The following CCSER1 variants were observed in gnomAD, a reference collection of about 807,000 sequenced individuals.
CCSER1 encodes coiled-coil serine rich protein 1, also known as serine-rich coiled-coil domain-containing protein 1.
CCSER1 carries 41 observed loss-of-function variants against 82.0 expected under a neutral mutation model. The ratio of observed to expected loss-of-function variants is 0.50; its 90% CI spans 0.39 to 0.65. The LOEUF (loss-of-function observed/expected upper bound fraction) is 0.65. CCSER1 is among the 30% of genes least tolerant of loss of function. The pLI, the probability that CCSER1 is intolerant of heterozygous loss-of-function variation, is 0.00. For missense variants in CCSER1, 1,119 were observed against 1,064.2 expected (o/e 1.05, Z -0.72); for synonymous variants, 414 against 383.9 (o/e 1.08, Z -0.92).
At chr4:90,707,005 C>G (rs747765926) in intron 6 of CCSER1, among the ~76,000 whole-genome samples, 1 of 152,158 alleles carries the variant, frequency 6.6e-6, no homozygotes, top group Admixed American at 6.5e-5. Flanking sequence ...AATTTCCTAA[C>G]CACTGTCTTT....
intron 5 of CCSER1, among the ~76,000 whole-genome samples, chr4:90,492,419 T>G (rs541517663): frequency 6.6e-6 from 1 of 152,216 alleles, no homozygotes; most frequent in African/African-American, 2.4e-5. Context: ...TTCTTCTTTA[T>G]TAGTCTGGCT....
intron 9 of CCSER1, among the ~76,000 whole-genome samples, chr4:90,956,420 G>A (rs1454955028): frequency 6.6e-6 from 1 of 152,134 alleles, no homozygotes; most frequent in African/African-American, 2.4e-5. Context: ...GAAATACTAT[G>A]TGGGTGGCAT....
intron 10 of CCSER1, among the ~76,000 whole-genome samples, chr4:91,568,652 T>A (rs1454758452): frequency 6.6e-6 from 1 of 152,196 alleles, no homozygotes; most frequent in Admixed American, 6.6e-5. Context: ...ATACTTGGGA[T>A]TGCATTGTGA....
intron 5 of CCSER1, among the ~76,000 whole-genome samples, chr4:90,546,493 A>G (rs17017142): frequency 0.16 from 24,298 of 152,012 alleles, 2,528 homozygotes; most frequent in East Asian, 0.44. Flanking sequence ...TTAATTGTTT[A>G]TTTTCCTAGA....
At chr4:90,926,927 A>T (rs918372077) in intron 9 of CCSER1, among the ~76,000 whole-genome samples, 1 of 152,032 alleles carries the variant, frequency 6.6e-6, no homozygotes, top group Non-Finnish European at 1.5e-5. Flanking sequence ...ATTGAGGGGT[A>T]GGGAAGTTTT....
chr4:91,208,976 T>A lies in CCSER1; in HGVS notation c.2217+122982T>A, dbSNP rs368035649. Among the ~76,000 whole-genome samples the A allele has an allele frequency of 2.2e-4, 33 of 152,038 alleles. No homozygotes were observed. In the East Asian group the frequency reaches 5.4e-3, roughly 25 times the overall value. ...AGGTATTTTATTCTTTTTGTGGCAA[T>A]TGTAATGGAGTTGCATTTCTCATTT... On this transcript the variant is annotated intron_variant, in intron 10 of 10. Transcript: ENST00000509176.
intron 10 of CCSER1, among the ~76,000 whole-genome samples, chr4:91,098,542 TA>T (rs201258386): frequency 1.5e-4 from 22 of 150,220 alleles, no homozygotes; most frequent in Non-Finnish European, 1.6e-4. Flanking sequence ...TCACTGGAGA[TA>T]ATTTTTTTTT....
intron 1 of CCSER1, among the ~76,000 whole-genome samples, chr4:90,241,325 A>G (rs1290864276): frequency 6.6e-6 from 1 of 152,198 alleles, no homozygotes; most frequent in Non-Finnish European, 1.5e-5. Context: ...ACTATTATAT[A>G]TTATGTATAC....
intron 6 of CCSER1, among the ~76,000 whole-genome samples, chr4:90,660,304 T>A (rs1453479126): frequency 6.6e-6 from 1 of 151,972 alleles, no homozygotes; most frequent in East Asian, 1.9e-4. Flanking sequence ...GATGGACAAA[T>A]GTGTAAAGAA....
chr4:91,086,630 A>T (rs1248190439), intron 10 of CCSER1, among the ~76,000 whole-genome samples: 1 of 152,132 alleles, frequency 6.6e-6, no homozygotes, highest in Non-Finnish European at 1.5e-5. Flanking sequence ...TGCACAAAAA[A>T]AATCATTTTT....
intron 9 of CCSER1, among the ~76,000 whole-genome samples, chr4:91,021,167 C>G (rs911274541): frequency 6.6e-6 from 1 of 152,076 alleles, no homozygotes; most frequent in Non-Finnish European, 1.5e-5. Flanking sequence ...TGTTTATTTA[C>G]ATAAATCTGT....
intron 8 of CCSER1, among the ~76,000 whole-genome samples, chr4:90,834,238 T>G (rs1404200196): frequency 6.6e-6 from 1 of 152,218 alleles, no homozygotes; most frequent in Non-Finnish European, 1.5e-5. Flanking sequence ...AAGGTGATTT[T>G]TAATAATCAG....
At chr4:91,272,127 A>G (rs539271981) in intron 10 of CCSER1, among the ~76,000 whole-genome samples, 267 of 152,294 alleles carry the variant, frequency 1.8e-3, no homozygotes, top group Middle Eastern at 0.01. Context: ...TAGATAGCCA[A>G]TACTGGGATC....
chr4:90,355,847 C>T (rs534123412), intron 3 of CCSER1, among the ~76,000 whole-genome samples: 1 of 152,014 alleles, frequency 6.6e-6, no homozygotes, highest in Admixed American at 6.5e-5. Flanking sequence ...TTTCCAAGGA[C>T]TTTATGGCTG....
chr4:91,172,502 A>T (rs1732865504), intron 10 of CCSER1, among the ~76,000 whole-genome samples: 1 of 152,212 alleles, frequency 6.6e-6, no homozygotes, highest in Admixed American at 6.5e-5. Context: ...AGACTATGAA[A>T]GAAGGCTCTG....
At chr4:91,025,051 A>C (rs1740367904) in intron 9 of CCSER1, among the ~76,000 whole-genome samples, 1 of 152,148 alleles carries the variant, frequency 6.6e-6, no homozygotes, top group African/African-American at 2.4e-5. Context: ...AGAGTGAATA[A>C]TTTTGTTTAA....
At chr4:91,560,177 T>C (rs537262367) in intron 10 of CCSER1, among the ~76,000 whole-genome samples, 2 of 151,598 alleles carry the variant, frequency 1.3e-5, no homozygotes, top group East Asian at 3.9e-4. Context: ...GCAAAATCAA[T>C]TACATAATGT....
intron 10 of CCSER1, among the ~76,000 whole-genome samples, chr4:91,134,274 G>A (rs1275042552): frequency 1.3e-5 from 2 of 152,016 alleles, no homozygotes; most frequent in Non-Finnish European, 2.9e-5. Flanking sequence ...GCCCATGCCT[G>A]TAGTCCTAGC....
At chr4:90,916,186 A>T (rs962759371) in intron 8 of CCSER1, among the ~76,000 whole-genome samples, 1 of 152,120 alleles carries the variant, frequency 6.6e-6, no homozygotes, top group Non-Finnish European at 1.5e-5. Flanking sequence ...TATGGAACCA[A>T]AAAAGAGCCC....
Sources: gnomAD v4.1 joint callset for allele counts (sites outside exome capture counted in the v4.1 genomes callset) on GRCh38, gnomAD v4.1.1 for gene constraint, MANE v1.5 for transcripts, NCBI Gene and HGNC (gene_info 2026-07-23, HGNC 2026-07-21) for gene names.